The following SH3PXD2B variants were observed in gnomAD, a reference collection of about 807,000 sequenced individuals.
The protein encoded by SH3PXD2B is SH3 and PX domain-containing protein 2B.
Under a neutral mutation model 73.1 loss-of-function variants are expected in SH3PXD2B, and 37 were observed. The observed-to-expected ratio is 0.51, with a 90% confidence interval of 0.39 to 0.67. SH3PXD2B has a LOEUF of 0.67. SH3PXD2B is among the 30% of genes least tolerant of loss of function. The pLI is 0.00. For synonymous variants in SH3PXD2B, 457 were observed against 480.5 expected (o/e 0.95, Z 0.64); for missense variants, 1,053 against 1,197.8 (o/e 0.88, Z 1.78).
At chr5:172,413,845 C>T (rs1372214393) in intron 2 of SH3PXD2B, among the ~76,000 whole-genome samples, 1 of 152,176 alleles carries the variant, frequency 6.6e-6, no homozygotes, top group Non-Finnish European at 1.5e-5. Context: ...TACTCCAATT[C>T]CAGAAGATAA....
intron 1 of SH3PXD2B, among the ~76,000 whole-genome samples, chr5:172,447,632 T>C (rs772382061): frequency 1.3e-5 from 2 of 152,180 alleles, no homozygotes; most frequent in African/African-American, 2.4e-5. Context: ...GGTCACACAG[T>C]TGGTAGGTGG....
Position 172,338,285 on chromosome 5 carries a change from G to A in SH3PXD2B, c.*84C>T. The stretch of plus-strand genomic sequence containing the variant: ...GTCTGTCTGCCTTGGAAGCTGCGTG[G>A]AGAATGATAAATTAAGAGGCGTATT... On this transcript the variant is annotated 3_prime_UTR_variant, in exon 13 of 13. Transcript: ENST00000311601. This position sits in a 1 kb window ranked among gnomAD's most constrained non-coding sequence, Gnocchi z 5.1. 6.2e-7 allele frequency: 1 copy of A among 1,609,502 alleles called. No homozygotes were observed. The highest frequency in any genetic ancestry group is 8.5e-7 in the Non-Finnish European group (1 of 1,179,390).
chr5:172,326,697 G>T (rs1477741281), intron 12 of SH3PXD2B, among the ~76,000 whole-genome samples: 1 of 152,130 alleles, frequency 6.6e-6, no homozygotes, highest in Non-Finnish European at 1.5e-5. Flanking sequence ...TTTTCACATG[G>T]TTTGTACATT....
chr5:172,362,213 A>AC (rs35375798), intron 7 of SH3PXD2B, among the ~76,000 whole-genome samples: 66,962 of 151,996 alleles, frequency 0.44, 15,236 homozygotes, highest in East Asian at 0.68. Flanking sequence ...GAATGAAGGC[A>AC]CTGAACCACT....
At chr5:172,424,738 C>A (rs200457867) in intron 1 of SH3PXD2B, among the ~76,000 whole-genome samples, 2 of 152,300 alleles carry the variant, frequency 1.3e-5, no homozygotes, top group East Asian at 3.9e-4. Context: ...TCAAGAAGCT[C>A]TGGACTCACA....
intron 1 of SH3PXD2B, among the ~76,000 whole-genome samples, chr5:172,425,101 C>T (rs1036002631): frequency 5.9e-5 from 9 of 152,170 alleles, no homozygotes; most frequent in African/African-American, 2.2e-4. Context: ...TGTGAAAAAA[C>T]GCTCAACAGT....
chr5:172,346,662 G>C (rs1014423263), intron 11 of SH3PXD2B, among the ~76,000 whole-genome samples: 1 of 152,128 alleles, frequency 6.6e-6, no homozygotes, highest in African/African-American at 2.4e-5. Context: ...CTCCTGCAGA[G>C]TGGGCATAAC....
chr5:172,364,780 T>C (rs1265009560), intron 6 of SH3PXD2B, among the ~76,000 whole-genome samples: 1 of 152,122 alleles, frequency 6.6e-6, no homozygotes, highest in Non-Finnish European at 1.5e-5. Context: ...CCCCACTCTG[T>C]TGGGTGGTGT....
chr5:172,333,662 C>G lies in SH3PXD2B; in HGVS notation c.*4707G>C. 7.8e-7 allele frequency: 1 copy of G among 1,289,206 alleles called. No individual in the cohort carries two copies. The highest frequency in any genetic ancestry group is 1.0e-6 in the Non-Finnish European group (1 of 988,834). 79.9% of individuals were successfully genotyped at this position (1,289,206 alleles called of 1,614,324 possible). On this transcript the variant is annotated 3_prime_UTR_variant, in exon 13 of 13. Coordinates refer to ENST00000311601, the MANE Select transcript of SH3PXD2B (RefSeq NM_001017995.3). The stretch of plus-strand genomic sequence containing the variant: ...CATTTATTTAATGTGTTAAAGGAAA[C>G]AAAAACCACCACCGGAATGCCAATT...
Position 172,338,960 on chromosome 5 carries a change from T to A in SH3PXD2B, c.2145A>T (p.Lys715Asn), listed in dbSNP as rs1756773595. The change falls in exon 13 of 13, where the codon AAA becomes AAT. Residue 715 changes from lysine (K) to asparagine (N), a missense_variant. Lys to Asn is a moderately conservative substitution (Grantham distance 94). Coordinates refer to ENST00000311601, the MANE Select transcript of SH3PXD2B (RefSeq NM_001017995.3). This position sits in a 1 kb window ranked among gnomAD's most constrained non-coding sequence, Gnocchi z 5.1. ...GPGRAQDRTG[K>N]QDGLSPKEIS... is the part of the protein sequence containing the mutation. The stretch of plus-strand genomic sequence containing the variant: ...TCTCTTTTGGGCTGAGACCATCCTG[T>A]TTGCCCGTCCTGTCCTGGGCGCGGC... 2 of 1,614,184 alleles carry A rather than the reference T, an allele frequency of 1.2e-6. No homozygotes were observed. Among genetic ancestry groups the A allele is most frequent in the Non-Finnish European group, 1.7e-6 (2 of 1,180,006 alleles).
intron 2 of SH3PXD2B, among the ~76,000 whole-genome samples, chr5:172,410,783 C>T (rs564164562): frequency 2.7e-4 from 41 of 152,314 alleles, no homozygotes; most frequent in African/African-American, 9.9e-4. Flanking sequence ...TCACAGTGAA[C>T]ATGTCCTCTC....
chr5:172,333,543 A>G lies in SH3PXD2B; in HGVS notation c.*4826T>C. 1 of 931,808 alleles carries G rather than the reference A, an allele frequency of 1.1e-6. No individual in the cohort carries two copies. Among genetic ancestry groups the G allele is most frequent in the Non-Finnish European group, 1.3e-6 (1 of 748,316 alleles). The allele number at this position is 931,808 out of a possible 1,614,324, so 57.7% of individuals were successfully genotyped here. On this transcript the variant is annotated 3_prime_UTR_variant, in exon 13 of 13. Transcript: ENST00000311601. ...CCAGTCAAGCACTTTTTTTATTTAA[A>G]AAAAAAAAAAGGAAAGAAGTCAAAT...
At chr5:172,367,181 G>A (rs534732415) in intron 6 of SH3PXD2B, among the ~76,000 whole-genome samples, 6 of 151,982 alleles carry the variant, frequency 3.9e-5, no homozygotes, top group African/African-American at 1.2e-4. Context: ...CAAGTGATCC[G>A]CCTGCCTCGG....
At chr5:172,363,066 G>A (rs186686376) in intron 6 of SH3PXD2B, among the ~76,000 whole-genome samples, 197 bp from the exon 7 acceptor site, 1 of 152,298 alleles carries the variant, frequency 6.6e-6, no homozygotes, top group East Asian at 1.9e-4. Flanking sequence ...AGTGCTATTT[G>A]CAGGCACTGG....
rs2113231452 is a variant in SH3PXD2B, at chr5:172,334,027, G to A, written c.*4342C>T. 1 of 1,179,182 alleles carries A rather than the reference G, an allele frequency of 8.5e-7. No homozygotes were observed. Among genetic ancestry groups the A allele is most frequent in the South Asian group, 1.6e-5 (1 of 60,714 alleles). 73.0% of individuals were successfully genotyped at this position (1,179,182 alleles called of 1,614,324 possible). A position where few individuals can be genotyped will look rare whatever the true frequency, so the allele number is the denominator to read the frequency against. ...TTACATGAATAGGACATCTAAAAGT[G>A]AAGGCTACCGACTGTGGCACTGCGT... is the stretch of plus-strand genomic sequence containing the variant. On this transcript the variant is annotated 3_prime_UTR_variant, in exon 13 of 13. Transcript: ENST00000311601.
rs34660682 is a variant in SH3PXD2B at position 172,367,389 on chromosome 5, G to GTT, written c.428-4522_428-4521dup. Among the ~76,000 whole-genome samples, 76 of 137,728 alleles carry GTT rather than the reference G, an allele frequency of 5.5e-4. 2 individuals carry two copies. In the South Asian group the frequency reaches 0.012, roughly 22 times the overall value. 90.4% of individuals were successfully genotyped at this position (137,728 alleles called of 152,430 possible). A position where few individuals can be genotyped will look rare whatever the true frequency, so the allele number is the denominator to read the frequency against. On this transcript the variant is annotated intron_variant, in intron 6 of 12. Transcript: ENST00000311601. The stretch of plus-strand genomic sequence containing the variant: ...GCCCTGTCTAATCCCCCTCTCATCA[G>GTT]TTTTTTTTTTTTTTTTCAAATAGAT...
chr5:172,406,471 T>C, intron 2 of SH3PXD2B, 119 bp from the exon 3 acceptor site: 4 of 1,194,244 alleles, frequency 3.3e-6, no homozygotes, highest in Non-Finnish European at 4.8e-6. Flanking sequence ...TTCACTGCGT[T>C]CAGCTTTCCA....
chr5:172,407,419 G>C (rs74814765), intron 2 of SH3PXD2B, among the ~76,000 whole-genome samples: 4 of 152,122 alleles, frequency 2.6e-5, no homozygotes, highest in African/African-American at 9.7e-5. Context: ...TGCTGGCCGC[G>C]GTCATGGGAT....
rs1006121997 is a variant in SH3PXD2B, at chr5:172,445,448, G to C, written c.75+8830C>G. Among the ~76,000 whole-genome samples the C allele has an allele frequency of 2.0e-5, 3 of 152,068 alleles. No homozygotes were observed. Among genetic ancestry groups the C allele is most frequent in the African/African-American group, 7.2e-5 (3 of 41,404 alleles). ...TGGTATTGAACTCCTGGGCTCAAGC[G>C]ATCTTCTCGCCTCAGCCTCCCAAGA... On this transcript the variant is annotated intron_variant, in intron 1 of 12. Transcript: ENST00000311601. This position sits in a 1 kb window ranked among gnomAD's most constrained non-coding sequence, Gnocchi z 5.2.
Sources: allele counts gnomAD v4.1 joint callset (sites outside exome capture counted in the v4.1 genomes callset), GRCh38; gene constraint gnomAD v4.1.1; non-coding constraint Gnocchi (gnomAD v3.1); transcripts MANE v1.5; gene names NCBI Gene and HGNC (gene_info 2026-07-23, HGNC 2026-07-21).